RETREG1: variants seen among roughly 807,000 people sequenced by gnomAD.
RETREG1 encodes reticulophagy regulator 1.
In RETREG1, 44 loss-of-function variants were observed where a neutral mutation model predicts 54.8. The observed-to-expected ratio is 0.80, with a 90% confidence interval of 0.63 to 1.03. RETREG1 has a LOEUF of 1.03. RETREG1 is among the 50% of genes least tolerant of loss of function. The probability of loss-of-function intolerance (pLI) is 0.00; values close to 1 mark genes in which losing one functional copy is unlikely to be tolerated. For missense variants in RETREG1, 554 were observed against 605.1 expected (o/e 0.92, Z 0.89); for synonymous variants, 217 against 238.5 (o/e 0.91, Z 0.83).
At chr5:16,528,479 G>C (rs535879713) in intron 3 of RETREG1, among the ~76,000 whole-genome samples, 7 of 152,178 alleles carry the variant, frequency 4.6e-5, no homozygotes, top group African/African-American at 1.7e-4. Context: ...CACCTGCCTG[G>C]GACAGGAGTC....
At chr5:16,587,256 A>C (rs1482261046) in intron 1 of RETREG1, among the ~76,000 whole-genome samples, 2 of 152,194 alleles carry the variant, frequency 1.3e-5, no homozygotes, top group African/African-American at 4.8e-5. Context: ...TTGATGTGTA[A>C]TCAAAGCCCA....
At chr5:16,550,601 C>T (rs984142340) in intron 3 of RETREG1, among the ~76,000 whole-genome samples, 1 of 152,204 alleles carries the variant, frequency 6.6e-6, no homozygotes, top group Non-Finnish European at 1.5e-5. Flanking sequence ...AGCCATCCAG[C>T]CCTGCTGCAT....
chr5:16,503,083 C>T (rs1739782268), intron 3 of RETREG1, among the ~76,000 whole-genome samples: 1 of 152,170 alleles, frequency 6.6e-6, no homozygotes, highest in Admixed American at 6.5e-5. Context: ...ATTAGTCACT[C>T]TGTGTTTATA....
At chr5:16,538,542 G>C (rs1043825020) in intron 3 of RETREG1, among the ~76,000 whole-genome samples, 5 of 152,098 alleles carry the variant, frequency 3.3e-5, no homozygotes, top group African/African-American at 7.2e-5. Context: ...CCATTTTAAA[G>C]ATGAGCGCAG....
rs753623948 is a variant in RETREG1, at chr5:16,572,104, T to A, written c.321-2A>T. ...CTCCATGGAGTCAATGCAAGGAACC[T>A]GCAACAGCGAAACACAAATCAGTAT... is the stretch of plus-strand genomic sequence containing the variant. On this transcript the variant is annotated splice_acceptor_variant, in intron 1 of 8. Transcript: ENST00000306320. LOFTEE classifies it high-confidence loss of function. 6.2e-7 allele frequency: 1 copy of A among 1,601,164 alleles called. No individual in the cohort carries two copies. The highest frequency in any genetic ancestry group is 8.6e-7 in the Non-Finnish European group (1 of 1,168,150).
At position 16,474,584 on chromosome 5, in the gene RETREG1, T is replaced by A. The variant is rs1429885700; in HGVS notation, c.*157A>T. On this transcript the variant is annotated 3_prime_UTR_variant, in exon 9 of 9. Coordinates refer to ENST00000306320, the MANE Select transcript of RETREG1 (RefSeq NM_001034850.3). ...ATCAATCTATCAGTGTCAGCTGATA[T>A]ATATCCAATTAATTCACTGCAGGAG... 3 of 813,804 alleles carry A rather than the reference T, an allele frequency of 3.7e-6. No homozygotes were observed. Among genetic ancestry groups the A allele is most frequent in the Non-Finnish European group, 3.8e-6 (2 of 527,282 alleles). 50.4% of individuals were successfully genotyped at this position (813,804 alleles called of 1,614,324 possible).
At chr5:16,510,104 T>G (rs528195696) in intron 3 of RETREG1, among the ~76,000 whole-genome samples, 91 of 152,354 alleles carry the variant, frequency 6.0e-4, no homozygotes, top group African/African-American at 2.1e-3. Context: ...TAATGTATAT[T>G]TTACCATTTG....
intron 1 of RETREG1, among the ~76,000 whole-genome samples, chr5:16,601,105 A>G (rs570024871): frequency 2.4e-4 from 36 of 152,298 alleles, no homozygotes; most frequent in African/African-American, 8.4e-4. Context: ...GGTGGCTCAC[A>G]TCTGTAATCT....
At chr5:16,536,684 A>G (rs1741083756) in intron 3 of RETREG1, among the ~76,000 whole-genome samples, 1 of 152,232 alleles carries the variant, frequency 6.6e-6, no homozygotes, top group Non-Finnish European at 1.5e-5. Context: ...AGATTGTTTC[A>G]AATGGAAAAA....
chr5:16,576,985 T>C (rs1479073322), intron 1 of RETREG1, among the ~76,000 whole-genome samples: 2 of 152,166 alleles, frequency 1.3e-5, no homozygotes, highest in Non-Finnish European at 2.9e-5. Flanking sequence ...ATTCTTAATG[T>C]CATCGAATAT....
At chr5:16,501,836 C>G (rs963558638) in intron 3 of RETREG1, among the ~76,000 whole-genome samples, 1 of 151,578 alleles carries the variant, frequency 6.6e-6, no homozygotes, top group Non-Finnish European at 1.5e-5. Context: ...TGAGCCACCA[C>G]GCCCAGCCTG....
intron 1 of RETREG1, 71 bp downstream of exon 1, chr5:16,616,581 G>C: frequency 6.5e-7 from 1 of 1,533,212 alleles, no homozygotes; most frequent in East Asian, 2.5e-5. Context: ...CCCTGCACTG[G>C]GTCCCCGGGG....
chr5:16,486,059 ATAAATT>A (rs1739008767), intron 3 of RETREG1, among the ~76,000 whole-genome samples: 12 of 152,198 alleles, frequency 7.9e-5, no homozygotes, highest in Admixed American at 5.9e-4. Context: ...TTTTGGGACA[ATAAATT>A]TCATCATTAC....
intron 1 of RETREG1, among the ~76,000 whole-genome samples, chr5:16,579,699 A>T (rs1377909777): frequency 6.6e-6 from 1 of 152,186 alleles, no homozygotes; most frequent in East Asian, 1.9e-4. Context: ...TGTAGTTGTG[A>T]TCACACAGTA....
At chr5:16,477,613 GT>G (rs1186271951) in intron 8 of RETREG1, 48 bp downstream of exon 8, 1 of 1,569,674 alleles carries the variant, frequency 6.4e-7, no homozygotes, top group South Asian at 1.1e-5. Context: ...AAGTTCAATA[GT>G]TTTGTATGCA....
At chr5:16,477,474 G>A (rs936540266) in intron 8 of RETREG1, among the ~76,000 whole-genome samples, 188 bp downstream of exon 8, 1 of 152,092 alleles carries the variant, frequency 6.6e-6, no homozygotes, top group Admixed American at 6.5e-5. Flanking sequence ...TTTGTGTCTG[G>A]CTTCTTAGCA....
chr5:16,528,373 C>T (rs1214843213), intron 3 of RETREG1, among the ~76,000 whole-genome samples: 1 of 151,972 alleles, frequency 6.6e-6, no homozygotes, highest in Non-Finnish European at 1.5e-5. Flanking sequence ...ATTTATATTC[C>T]TGGAAGCCTA....
chr5:16,518,696 G>A (rs1001597322), intron 3 of RETREG1, among the ~76,000 whole-genome samples: 1 of 152,186 alleles, frequency 6.6e-6, no homozygotes, highest in African/African-American at 2.4e-5. Flanking sequence ...TCTCCAGTCA[G>A]CCTCTACAGC....
chr5:16,502,690 C>T (rs200452763), intron 3 of RETREG1, among the ~76,000 whole-genome samples: 1 of 143,782 alleles, frequency 7.0e-6, no homozygotes, highest in African/African-American at 2.5e-5. Flanking sequence ...TTATATTTTT[C>T]CCCCATACTA....
Sources: gnomAD v4.1 joint callset for allele counts (sites outside exome capture counted in the v4.1 genomes callset) on GRCh38, gnomAD v4.1.1 for gene constraint, MANE v1.5 for transcripts, NCBI Gene and HGNC (gene_info 2026-07-23, HGNC 2026-07-21) for gene names.